SLC16A7: variants seen among roughly 807,000 people sequenced by gnomAD.
The protein encoded by SLC16A7 is solute carrier family 16 member 7.
A neutral mutation model predicts 34.9 loss-of-function variants in SLC16A7; 33 were observed. The ratio of observed to expected loss-of-function variants is 0.94; its 90% CI spans 0.72 to 1.26. The LOEUF (loss-of-function observed/expected upper bound fraction) is 1.26. SLC16A7 is among the 50% of genes most tolerant of loss of function. The pLI is 0.00. For synonymous variants in SLC16A7, 201 were observed against 206.6 expected, an observed-to-expected ratio of 0.97 and a Z score of 0.23; for missense variants, 573 against 578.1, an observed-to-expected ratio of 0.99 and a Z score of 0.09.
At position 59,779,763 on chromosome 12, in the gene SLC16A7, G is replaced by A. The variant is rs1187722907; in HGVS notation, c.*84G>A. ...TTTGTTTTTTTAAAGTATTAGAAAA[G>A]GTTTTAGCTGAAATGAGGAGTCACA... On this transcript the variant is annotated 3_prime_UTR_variant, in exon 6 of 6. Coordinates refer to ENST00000547379, the MANE Select transcript of SLC16A7 (RefSeq NM_001270623.2). 8.9e-7 allele frequency: 1 copy of A among 1,128,642 alleles called. No homozygotes were observed. Among genetic ancestry groups the A allele is most frequent in the Non-Finnish European group, 1.2e-6 (1 of 803,598 alleles). The allele number at this position is 1,128,642 out of a possible 1,614,324, so 69.9% of individuals were successfully genotyped here. A position where few individuals can be genotyped will look rare whatever the true frequency, so the allele number is the denominator to read the frequency against.
At chr12:59,701,133 T>C (rs1210017122) in intron 2 of SLC16A7, among the ~76,000 whole-genome samples, 1 of 151,820 alleles carries the variant, frequency 6.6e-6, no homozygotes, top group Non-Finnish European at 1.5e-5. Context: ...TCACTCATCT[T>C]CATTTTATGT....
intron 2 of SLC16A7, among the ~76,000 whole-genome samples, chr12:59,670,053 C>A (rs1432311138): frequency 6.6e-6 from 1 of 152,134 alleles, no homozygotes; most frequent in Non-Finnish European, 1.5e-5. Flanking sequence ...TATCTGAAAT[C>A]AAGGTGTCAG....
At chr12:59,691,117 A>G (rs974718245) in intron 2 of SLC16A7, among the ~76,000 whole-genome samples, 9 of 152,068 alleles carry the variant, frequency 5.9e-5, no homozygotes, top group African/African-American at 1.7e-4. Flanking sequence ...ATTTCAAAAT[A>G]TATAAATCAT....
intron 2 of SLC16A7, among the ~76,000 whole-genome samples, chr12:59,684,847 C>CCAATAGG (rs1364323536): frequency 3.3e-5 from 5 of 152,070 alleles, no homozygotes; most frequent in Admixed American, 3.3e-4. Flanking sequence ...TGTCACCAAA[C>CCAATAGG]CTGGAAGAGG....
Position 59,747,043 on chromosome 12 carries a change from G to T in SLC16A7, c.218-24176G>T, listed in dbSNP as rs75138318. Among the ~76,000 whole-genome samples, 550 of 152,078 alleles carry T rather than the reference G, an allele frequency of 3.6e-3. 4 individuals are homozygous for T. The highest frequency in any genetic ancestry group is 0.012 in the African/African-American group (515 of 41,484). On this transcript the variant is annotated intron_variant, in intron 3 of 5. Coordinates refer to ENST00000547379, the MANE Select transcript of SLC16A7 (RefSeq NM_001270623.2). ...GACAGTGTCTCACCGTATTGCCTAG[G>T]CTAGTCTCTAAATCCTGTGCTCAAG... is the stretch of plus-strand genomic sequence containing the variant.
rs370225843 is a variant in SLC16A7 at position 59,771,283 on chromosome 12, A to G, written c.282A>G (p.Leu94=). 9 of 1,613,406 alleles carry G rather than the reference A, an allele frequency of 5.6e-6. No homozygotes were observed. The African/African-American group carries it at 1.2e-4, about 22-fold the overall frequency. The stretch of plus-strand genomic sequence containing the variant: ...GGCCGGTGGTGATAGCAGGAGGCTT[A>G]TTATGCTGTCTTGGAATGGTGTTGG... ...GSRPVVIAGG[L]LCCLGMVLAS... Residue 94 remains leucine (L), a synonymous_variant, in exon 4 of 6, where the codon TTA becomes TTG. Transcript: ENST00000547379.
At chr12:59,686,095 CTTTTT>C (rs572779305) in intron 2 of SLC16A7, among the ~76,000 whole-genome samples, 3 of 93,520 alleles carry the variant, frequency 3.2e-5, no homozygotes, top group East Asian at 3.0e-4. Flanking sequence ...AAGAACTTTT[CTTTTT>C]TTTTTTTTTT....
chr12:59,774,625 GT>G lies in SLC16A7; in HGVS notation c.362-28del, dbSNP rs111656638. ...TTTGTGAGTGCCATAATGTGTTTGT[GT>G]TTTCCCCCACTTTTGTTTTGTTCTT... On this transcript the variant is annotated intron_variant, in intron 4 of 5. Transcript: ENST00000547379. 18 of 1,389,260 alleles carry G rather than the reference GT, an allele frequency of 1.3e-5. No homozygotes were observed. The African/African-American group carries it at 1.7e-4, about 13-fold the overall frequency. The allele number at this position is 1,389,260 out of a possible 1,614,324, so 86.1% of individuals were successfully genotyped here. A position where few individuals can be genotyped will look rare whatever the true frequency, so the allele number is the denominator to read the frequency against.
chr12:59,717,374 G>A lies in SLC16A7; in HGVS notation c.217+12356G>A, dbSNP rs575041456. ...GAGTATTTCATGATTAGTTTAAAAT[G>A]TATGTAAAATATCTACACAGAGTTA... On this transcript the variant is annotated intron_variant, in intron 3 of 5. Coordinates refer to ENST00000547379, the MANE Select transcript of SLC16A7 (RefSeq NM_001270623.2). Among the ~76,000 whole-genome samples the A allele has an allele frequency of 1.4e-3, 211 of 151,970 alleles. 1 individual carries two copies. Among genetic ancestry groups the A allele is most frequent in the Middle Eastern group, 6.8e-3 (2 of 294 alleles).
chr12:59,724,587 T>G (rs1876012992), intron 3 of SLC16A7, among the ~76,000 whole-genome samples: 1 of 152,022 alleles, frequency 6.6e-6, no homozygotes. Context: ...TAATTCTAAG[T>G]AACTATTACT....
At chr12:59,666,626 C>A (rs1165209883) in intron 2 of SLC16A7, among the ~76,000 whole-genome samples, 1 of 152,088 alleles carries the variant, frequency 6.6e-6, no homozygotes, top group East Asian at 1.9e-4. Flanking sequence ...AAGGGCAGTT[C>A]CCCTGCACAT....
In SLC16A7 at chr12:59,704,954, C is replaced by T; in HGVS notation, c.153C>T (p.Phe51=). The change falls in exon 3 of 6, where the codon TTC becomes TTT. Residue 51 remains phenylalanine, a synonymous_variant. Coordinates refer to ENST00000547379, the MANE Select transcript of SLC16A7 (RefSeq NM_001270623.2). Reference sequence around the variant, plus strand: ...TCTTCAAAGAAATTCAGCAAATATTCCACACTACCTACAGTGAAATAGCAT... The same window carrying T: ...TCTTCAAAGAAATTCAGCAAATATTTCACACTACCTACAGTGAAATAGCAT... The part of the protein sequence containing the change: ...TVFFKEIQQI[F]HTTYSEIAWI... 1 of 1,613,612 alleles carries T rather than the reference C, an allele frequency of 6.2e-7. No homozygotes were observed.
chr12:59,631,320 A>G (rs1880172594), intron 1 of SLC16A7, among the ~76,000 whole-genome samples: 1 of 151,944 alleles, frequency 6.6e-6, no homozygotes, highest in South Asian at 2.1e-4. Context: ...TCTACAGAAG[A>G]CAAACCTCAA....
At chr12:59,749,614 G>C (rs111955189) in intron 3 of SLC16A7, among the ~76,000 whole-genome samples, 6 of 152,158 alleles carry the variant, frequency 3.9e-5, no homozygotes, top group Non-Finnish European at 7.4e-5. Context: ...TATATAGAGA[G>C]TATCATGGAT....
chr12:59,764,553 A>T (rs1222403342), intron 3 of SLC16A7, among the ~76,000 whole-genome samples: 1 of 144,398 alleles, frequency 6.9e-6, no homozygotes, highest in African/African-American at 2.6e-5. Context: ...TCATTGTTCA[A>T]TTCCCACCTG....
intron 3 of SLC16A7, among the ~76,000 whole-genome samples, chr12:59,725,054 T>A (rs1389020297): frequency 6.6e-6 from 1 of 151,296 alleles, no homozygotes; most frequent in African/African-American, 2.5e-5. Context: ...TATTGTTGCA[T>A]GAATGCTTTC....
intron 1 of SLC16A7, among the ~76,000 whole-genome samples, chr12:59,622,154 A>G (rs1879722052): frequency 6.6e-6 from 1 of 151,884 alleles, no homozygotes; most frequent in Non-Finnish European, 1.5e-5. Context: ...TTAATGAAGG[A>G]TAAGCTAACA....
intron 1 of SLC16A7, among the ~76,000 whole-genome samples, chr12:59,648,621 G>A (rs1378503328): frequency 6.6e-6 from 1 of 152,150 alleles, no homozygotes; most frequent in African/African-American, 2.4e-5. Flanking sequence ...GAGAAAAAAA[G>A]TGAGGCTAAA....
chr12:59,737,537 C>T, intron 3 of SLC16A7, among the ~76,000 whole-genome samples: 1 of 152,194 alleles, frequency 6.6e-6, no homozygotes, highest in South Asian at 2.1e-4. Context: ...AATGTTTATG[C>T]TCCTTAACTG....
Sources: allele counts gnomAD v4.1 joint callset (sites outside exome capture counted in the v4.1 genomes callset), GRCh38; gene constraint gnomAD v4.1.1; transcripts MANE v1.5; gene names NCBI Gene and HGNC (gene_info 2026-07-23, HGNC 2026-07-21).